Variants in PPP1R9A observed in about 807,000 individuals in gnomAD.
The protein encoded by PPP1R9A is protein phosphatase 1 regulatory subunit 9A, also known as neurabin-1.
A neutral mutation model predicts 141.9 loss-of-function variants in PPP1R9A; 59 were observed. The observed-to-expected ratio is 0.42, with a 90% confidence interval of 0.34 to 0.52. The LOEUF (loss-of-function observed/expected upper bound fraction) is 0.52, where lower values mean the gene tolerates loss of function less well. PPP1R9A is among the 20% of genes least tolerant of loss of function. PPP1R9A has a pLI of 0.10. For synonymous variants in PPP1R9A, 500 were observed against 569.7 expected (o/e 0.88, Z 1.74); for missense variants, 1,444 against 1,611.9 (o/e 0.90, Z 1.78).
At chr7:95,058,386 C>T (rs879820911) in intron 2 of PPP1R9A, among the ~76,000 whole-genome samples, 19 of 152,150 alleles carry the variant, frequency 1.2e-4, no homozygotes, top group Non-Finnish European at 2.2e-4. Flanking sequence ...ACATCTGGGC[C>T]GAAGATGCTT....
rs577236281 is a variant in PPP1R9A, at chr7:95,293,859, T to G, written c.*3556T>G. On this transcript the variant is annotated 3_prime_UTR_variant, in exon 20 of 20. Coordinates refer to ENST00000433360, the MANE Select transcript of PPP1R9A (RefSeq NM_001166160.2). ...TTATATAGATACTCTGATTCATGTT[T>G]AAGTGTTAAAGGTTATGCAGACTAA... The G allele has an allele frequency of 1.3e-5, 2 of 152,362 alleles. No homozygotes were observed. The highest frequency in any genetic ancestry group is 2.9e-5 in the Non-Finnish European group (2 of 68,030). 9.4% of individuals were successfully genotyped at this position (152,362 alleles called of 1,614,324 possible).
chr7:95,203,658 A>G lies in PPP1R9A; in HGVS notation c.1891-7A>G, dbSNP rs1285691530. 5 of 1,535,082 alleles carry G rather than the reference A, an allele frequency of 3.3e-6. No individual in the cohort carries two copies. Among genetic ancestry groups the G allele is most frequent in the Non-Finnish European group, 2.6e-6 (3 of 1,145,658 alleles). Reference sequence around the variant, plus strand: ...CCTTCTTTAATATTTTTTGTCAACCATTTTAGAACACTGTGGCTGAATTGC... The same window carrying G: ...CCTTCTTTAATATTTTTTGTCAACCGTTTTAGAACACTGTGGCTGAATTGC... On this transcript the variant is annotated splice_polypyrimidine_tract_variant and splice_region_variant and intron_variant, in intron 6 of 19. Transcript: ENST00000433360.
At chr7:95,190,711 A>C (rs1835376279) in intron 5 of PPP1R9A, among the ~76,000 whole-genome samples, 1 of 152,156 alleles carries the variant, frequency 6.6e-6, no homozygotes, top group African/African-American at 2.4e-5. Context: ...GTCTTTCAGA[A>C]CTTGCAGTGG....
intron 2 of PPP1R9A, among the ~76,000 whole-genome samples, chr7:94,932,940 T>C (rs1794336640): frequency 6.6e-6 from 1 of 152,036 alleles, no homozygotes; most frequent in South Asian, 2.1e-4. Flanking sequence ...GATGTGACTA[T>C]ATGATAAAAA....
chr7:95,046,736 C>T (rs796723965), intron 2 of PPP1R9A, among the ~76,000 whole-genome samples: 10 of 152,252 alleles, frequency 6.6e-5, no homozygotes, highest in African/African-American at 2.4e-4. Context: ...CTTTTTCATA[C>T]CAGCTTTCAA....
At chr7:94,936,013 A>T (rs967642301) in intron 2 of PPP1R9A, among the ~76,000 whole-genome samples, 2 of 152,192 alleles carry the variant, frequency 1.3e-5, no homozygotes, top group African/African-American at 4.8e-5. Context: ...CTATGTTTAC[A>T]TTTGTAAAAG....
At chr7:95,203,778 A>G (rs756927603) in intron 7 of PPP1R9A, 48 bp downstream of exon 7, 30 of 1,309,592 alleles carry the variant, frequency 2.3e-5, no homozygotes, top group Middle Eastern at 1.8e-4. Context: ...TTCCTGCTTC[A>G]TATGTAAAAT....
intron 2 of PPP1R9A, among the ~76,000 whole-genome samples, chr7:94,963,901 T>C (rs1797920994): frequency 6.6e-6 from 1 of 152,168 alleles, no homozygotes; most frequent in Admixed American, 6.5e-5. Flanking sequence ...CCCATTGGCA[T>C]ATCCACCTGC....
At chr7:95,033,138 G>A (rs1807915920) in intron 2 of PPP1R9A, among the ~76,000 whole-genome samples, 1 of 149,840 alleles carries the variant, frequency 6.7e-6, no homozygotes, top group Non-Finnish European at 1.5e-5. Flanking sequence ...CCGAGTAGCT[G>A]GAACTACAGG....
Position 95,269,333 on chromosome 7 carries a change from TTC to T in PPP1R9A, c.2953_2954del (p.Ser985ValfsTer2). 1 of 1,598,614 alleles carries T rather than the reference TTC, an allele frequency of 6.3e-7. No homozygotes were observed. Reference protein sequence around the residue: ...PLTPVDSNVPFSSDHIAEFQE... With the variant: ...PLTPVDSNVPXSSDHIAEFQE... ...CACCCCGGTGGATAGCAATGTGCCC[TTC>T]TCGTCTGACCACATAGCTGAATTTC... On this transcript the variant is annotated frameshift_variant, in exon 14 of 20. Coordinates refer to ENST00000433360, the MANE Select transcript of PPP1R9A (RefSeq NM_001166160.2). LOFTEE classifies it high-confidence loss of function.
intron 7 of PPP1R9A, among the ~76,000 whole-genome samples, chr7:95,204,750 C>G (rs1174128509): frequency 7.5e-6 from 1 of 133,786 alleles, no homozygotes; most frequent in South Asian, 2.5e-4. Context: ...CACACACCCA[C>G]CACACATACC....
Position 95,043,748 on chromosome 7 carries a change from C to T in PPP1R9A, c.1396-67511C>T, listed in dbSNP as rs142626131. Among the ~76,000 whole-genome samples, 970 of 152,206 alleles carry T rather than the reference C, an allele frequency of 6.4e-3. 11 individuals carry two copies. The highest frequency in any genetic ancestry group is 0.022 in the African/African-American group (922 of 41,552). On this transcript the variant is annotated intron_variant, in intron 2 of 19. Transcript: ENST00000433360. ...TAAATTTCCTTACTGCCTGTGCCAC[C>T]GGGCCCAGATAGTCACTAGCTGGCA...
At chr7:95,255,561 A>G (rs1294205910) in intron 12 of PPP1R9A, among the ~76,000 whole-genome samples, 8 of 152,142 alleles carry the variant, frequency 5.3e-5, no homozygotes, top group Admixed American at 5.2e-4. Flanking sequence ...CTTGTAAGAG[A>G]AAGTGGCTAC....
At chr7:95,052,819 T>C (rs561022481) in intron 2 of PPP1R9A, among the ~76,000 whole-genome samples, 8 of 152,328 alleles carry the variant, frequency 5.3e-5, no homozygotes, top group Non-Finnish European at 7.4e-5. Flanking sequence ...TTCAATGTTC[T>C]GTTTCCCTCA....
chr7:95,030,400 G>C lies in PPP1R9A; in HGVS notation c.1396-80859G>C, dbSNP rs570325641. Among the ~76,000 whole-genome samples the C allele has an allele frequency of 7.2e-5, 11 of 152,252 alleles. No individual in the cohort carries two copies. The South Asian group carries it at 2.3e-3, about 32-fold the overall frequency. On this transcript the variant is annotated intron_variant, in intron 2 of 19. Transcript: ENST00000433360. ...TTGGCATTTGGTGGTGTTCTAGATA[G>C]CCAGTAGTTACTATTCCGTTAAGTT...
chr7:95,192,652 C>CTTAGAAATAT (rs1397911977), intron 5 of PPP1R9A, among the ~76,000 whole-genome samples: 6 of 151,930 alleles, frequency 3.9e-5, no homozygotes, highest in Non-Finnish European at 1.5e-5. Flanking sequence ...GAAACAAAGG[C>CTTAGAAATAT]TTAGAAATAT....
intron 2 of PPP1R9A, among the ~76,000 whole-genome samples, chr7:95,110,585 A>G (rs777942088): frequency 1.3e-5 from 2 of 152,210 alleles, no homozygotes; most frequent in Non-Finnish European, 2.9e-5. Context: ...CAAGTTTCTT[A>G]TGGCTATATC....
chr7:95,060,891 A>G (rs140770207), intron 2 of PPP1R9A, among the ~76,000 whole-genome samples: 44 of 152,318 alleles, frequency 2.9e-4, no homozygotes, highest in African/African-American at 8.9e-4. Context: ...TCTGGAATGA[A>G]TGTAAGTATT....
chr7:95,229,536 G>T (rs1000538049), intron 8 of PPP1R9A, among the ~76,000 whole-genome samples: 3 of 151,866 alleles, frequency 2.0e-5, no homozygotes, highest in Admixed American at 2.0e-4. Flanking sequence ...ACTCATCAGA[G>T]GCAGCCATAA....
Sources: allele counts gnomAD v4.1 joint callset (sites outside exome capture counted in the v4.1 genomes callset), GRCh38; gene constraint gnomAD v4.1.1; transcripts MANE v1.5; gene names NCBI Gene and HGNC (gene_info 2026-07-23, HGNC 2026-07-21).